MAPK8: variants seen among roughly 807,000 people sequenced by gnomAD.
MAPK8 encodes the protein mitogen-activated protein kinase 8.
In MAPK8, 13 loss-of-function variants were observed where a neutral mutation model predicts 52.9. The ratio of observed to expected loss-of-function variants is 0.25; its 90% confidence interval spans 0.16 to 0.39. The LOEUF (loss-of-function observed/expected upper bound fraction) is 0.39. Among genes scored for constraint, MAPK8 ranks in the 10% least tolerant of loss-of-function variants. The pLI is 1.00. For missense variants in MAPK8, 300 were observed against 519.2 expected (o/e 0.58, Z 4.10); for synonymous variants, 191 against 169.8 (o/e 1.12, Z -0.97).
chr10:48,416,768 GGGGAATATT>G (rs1419766256), intron 5 of MAPK8, among the ~76,000 whole-genome samples: 1 of 152,074 alleles, frequency 6.6e-6, no homozygotes. Flanking sequence ...TGCCGTGGGT[GGGGAATATT>G]CCTAATCAGT....
intron 10 of MAPK8, among the ~76,000 whole-genome samples, chr10:48,428,968 T>A (rs1036220230): frequency 1.3e-5 from 2 of 151,026 alleles, no homozygotes; most frequent in Non-Finnish European, 3.0e-5. Flanking sequence ...ATCACAGGTG[T>A]GATCCACTGC....
chr10:48,327,990 A>G (rs1195297824), intron 1 of MAPK8, among the ~76,000 whole-genome samples: 2 of 152,034 alleles, frequency 1.3e-5, no homozygotes, highest in African/African-American at 4.8e-5. Flanking sequence ...CATTTGTTAC[A>G]TTAGTAATTT....
intron 1 of MAPK8, among the ~76,000 whole-genome samples, chr10:48,363,037 C>A (rs112519016): frequency 6.6e-6 from 1 of 152,078 alleles, no homozygotes; most frequent in African/African-American, 2.4e-5. Flanking sequence ...CCACACCTAG[C>A]GTGGTATTTA....
intron 9 of MAPK8, chr10:48,426,776 T>C (rs1249927991): frequency 6.2e-6 from 3 of 487,120 alleles, no homozygotes; most frequent in Non-Finnish European, 1.1e-5. Context: ...GGGAACATCC[T>C]AACTCAGGTA....
chr10:48,323,250 C>G (rs1200141478), intron 1 of MAPK8, among the ~76,000 whole-genome samples: 1 of 152,154 alleles, frequency 6.6e-6, no homozygotes, highest in Non-Finnish European at 1.5e-5. Flanking sequence ...AAAGGGCATT[C>G]ATGTATCAAA....
intron 10 of MAPK8, among the ~76,000 whole-genome samples, chr10:48,428,902 C>T (rs1447057774): frequency 6.6e-6 from 1 of 151,576 alleles, no homozygotes; most frequent in East Asian, 1.9e-4. Context: ...CTCACTGCAG[C>T]ATCAAAACTC....
At chr10:48,373,852 TAAC>T (rs2040484905) in intron 1 of MAPK8, among the ~76,000 whole-genome samples, 1 of 151,876 alleles carries the variant, frequency 6.6e-6, no homozygotes. Flanking sequence ...GACAGAAAAT[TAAC>T]AACGATATCC....
intron 1 of MAPK8, among the ~76,000 whole-genome samples, chr10:48,310,486 A>G (rs766208939): frequency 3.3e-5 from 5 of 152,214 alleles, no homozygotes; most frequent in African/African-American, 9.6e-5. Flanking sequence ...TTGGAAAGGT[A>G]GGCTTTTATT....
chr10:48,376,901 T>C (rs2040697351), intron 1 of MAPK8, among the ~76,000 whole-genome samples: 1 of 152,154 alleles, frequency 6.6e-6, no homozygotes, highest in Non-Finnish European at 1.5e-5. Flanking sequence ...CATTCTACTA[T>C]AAAGACACAT....
chr10:48,313,503 A>G (rs1212297784), intron 1 of MAPK8, among the ~76,000 whole-genome samples: 1 of 151,900 alleles, frequency 6.6e-6, no homozygotes, highest in African/African-American at 2.4e-5. Context: ...AAGCATAACA[A>G]ATACAAGTAG....
At chr10:48,342,242 T>A (rs1845362532) in intron 1 of MAPK8, among the ~76,000 whole-genome samples, 1 of 152,154 alleles carries the variant, frequency 6.6e-6, no homozygotes, top group Non-Finnish European at 1.5e-5. Flanking sequence ...TATCTGGGAC[T>A]ACAGGCACAC....
intron 3 of MAPK8, among the ~76,000 whole-genome samples, chr10:48,408,082 G>C (rs545873983): frequency 1.3e-5 from 2 of 152,298 alleles, no homozygotes; most frequent in Admixed American, 1.3e-4. Context: ...AAAGCTGAAT[G>C]CTTAAAAGAA....
intron 1 of MAPK8, among the ~76,000 whole-genome samples, chr10:48,320,623 G>C (rs1842911303): frequency 2.6e-5 from 4 of 152,050 alleles, no homozygotes. Flanking sequence ...ATGGGCATTT[G>C]GATTGTTTAC....
At chr10:48,405,715 G>A (rs935396668) in intron 3 of MAPK8, among the ~76,000 whole-genome samples, 1 of 152,188 alleles carries the variant, frequency 6.6e-6, no homozygotes, top group Admixed American at 6.5e-5. Context: ...GACACTTTTA[G>A]GCAGTCCTAA....
chr10:48,421,873 C>T (rs976982520), intron 6 of MAPK8, among the ~76,000 whole-genome samples: 1 of 151,994 alleles, frequency 6.6e-6, no homozygotes, highest in Admixed American at 6.6e-5. Flanking sequence ...TGTAGATCAC[C>T]TTCTTGCCTT....
intron 1 of MAPK8, among the ~76,000 whole-genome samples, chr10:48,341,599 G>A (rs916125786): frequency 6.6e-6 from 1 of 152,214 alleles, no homozygotes; most frequent in Admixed American, 6.5e-5. Context: ...ACTGTTTGGT[G>A]CTTATTATGC....
intron 1 of MAPK8, among the ~76,000 whole-genome samples, chr10:48,320,304 C>G (rs371626248): frequency 2.2e-5 from 3 of 135,786 alleles, no homozygotes; most frequent in Non-Finnish European, 4.6e-5. Flanking sequence ...GTACCATGAT[C>G]GTGGCTCACT....
intron 1 of MAPK8, among the ~76,000 whole-genome samples, chr10:48,392,696 G>A (rs1460642859): frequency 2.0e-5 from 3 of 151,564 alleles, no homozygotes; most frequent in Non-Finnish European, 4.4e-5. Flanking sequence ...CTTTTTGTTA[G>A]CATATAAACA....
In MAPK8 at chr10:48,343,708, T is replaced by C. The variant is rs148535371; in HGVS notation, c.-50+36887T>C. On this transcript the variant is annotated intron_variant, in intron 1 of 11. Transcript: ENST00000374189. ...TTTTGTAGCTAGACGTTGCAAGATT[T>C]CTTGATTGCTTTTTCTCTGTGAGAT... Among the ~76,000 whole-genome samples the C allele has an allele frequency of 4.8e-3, 731 of 152,316 alleles. 6 individuals carry two copies. The highest frequency in any genetic ancestry group is 0.016 in the African/African-American group (671 of 41,562).
Sources: gnomAD v4.1 joint callset for allele counts (sites outside exome capture counted in the v4.1 genomes callset) on GRCh38, gnomAD v4.1.1 for gene constraint, MANE v1.5 for transcripts, NCBI Gene and HGNC (gene_info 2026-07-23, HGNC 2026-07-21) for gene names.